EXOC6: variants seen among roughly 807,000 people sequenced by gnomAD.
EXOC6 encodes exocyst complex component 6.
A neutral mutation model predicts 112.5 loss-of-function variants in EXOC6; 60 were observed. The ratio of observed to expected loss-of-function variants is 0.53; its 90% CI spans 0.43 to 0.66. The LOEUF is 0.66. Among genes scored for constraint, EXOC6 ranks in the 30% least tolerant of loss-of-function variants. The pLI, the probability that EXOC6 is intolerant of heterozygous loss-of-function variation, is 0.00. For missense variants in EXOC6, 855 were observed against 957.1 expected (o/e 0.89, Z 1.41); for synonymous variants, 295 against 308.0 (o/e 0.96, Z 0.44).
chr10:92,970,103 T>C (rs1218358810), intron 17 of EXOC6, among the ~76,000 whole-genome samples: 1 of 152,226 alleles, frequency 6.6e-6, no homozygotes, highest in Non-Finnish European at 1.5e-5. Context: ...GCTCATCTAC[T>C]GCTTACTATG....
intron 1 of EXOC6, among the ~76,000 whole-genome samples, chr10:92,836,459 T>C (rs1325571051): frequency 6.6e-6 from 1 of 152,176 alleles, no homozygotes; most frequent in Non-Finnish European, 1.5e-5. Context: ...TGCATAGATA[T>C]GTTCCCCGGG....
At chr10:92,883,608 A>G (rs1849067762) in intron 1 of EXOC6, among the ~76,000 whole-genome samples, 2 of 152,202 alleles carry the variant, frequency 1.3e-5, no homozygotes, top group South Asian at 2.1e-4. Context: ...ATTAAGATTT[A>G]TATGCTAGAA....
chr10:93,010,866 G>T (rs1384114066), intron 19 of EXOC6, among the ~76,000 whole-genome samples: 1 of 152,114 alleles, frequency 6.6e-6, no homozygotes, highest in African/African-American at 2.4e-5. Flanking sequence ...AGAGCAGATG[G>T]TGTGTGAGAA....
At chr10:92,997,858 A>T (rs1022094465) in intron 19 of EXOC6, among the ~76,000 whole-genome samples, 1 of 152,180 alleles carries the variant, frequency 6.6e-6, no homozygotes, top group African/African-American at 2.4e-5. Flanking sequence ...ATTTAAAAAC[A>T]TGATTCATTT....
At chr10:92,885,118 T>TA (rs1237721030) in intron 1 of EXOC6, among the ~76,000 whole-genome samples, 1 of 152,214 alleles carries the variant, frequency 6.6e-6, no homozygotes, top group Admixed American at 6.5e-5. Flanking sequence ...CTCTGCAAGA[T>TA]ACTTTGTTTA....
intron 14 of EXOC6, among the ~76,000 whole-genome samples, chr10:92,949,736 GCATGCGCCAC>G (rs561372690): frequency 3.2e-4 from 49 of 152,184 alleles, no homozygotes; most frequent in Non-Finnish European, 5.9e-4. Flanking sequence ...GGGATTACAG[GCATGCGCCAC>G]CATGCCCAGC....
In EXOC6 at chr10:92,993,958, T is replaced by A. The variant is rs139325851; in HGVS notation, c.1954-3516T>A. Among the ~76,000 whole-genome samples the A allele has an allele frequency of 3.3e-3, 502 of 152,326 alleles. 3 individuals are homozygous for A. Among genetic ancestry groups the A allele is most frequent in the African/African-American group, 0.011 (477 of 41,572 alleles). On this transcript the variant is annotated intron_variant, in intron 18 of 21. Coordinates refer to ENST00000260762, the MANE Select transcript of EXOC6 (RefSeq NM_019053.6). The stretch of plus-strand genomic sequence containing the variant: ...TTAGAGAATGAGTTTTCTTACTGAT[T>A]TCACCAAATGTCGCCTCATGCTGTC...
intron 13 of EXOC6, 37 bp downstream of exon 13, chr10:92,940,861 T>A (rs1185164631): frequency 1.5e-6 from 2 of 1,327,818 alleles, no homozygotes; most frequent in Non-Finnish European, 2.1e-6. Flanking sequence ...ATAATGAATA[T>A]GTTTGTCAAA....
intron 5 of EXOC6, 143 bp from the exon 6 acceptor site, chr10:92,909,284 A>G (rs548167397): frequency 2.1e-5 from 12 of 572,396 alleles, no homozygotes; most frequent in African/African-American, 1.7e-4. Context: ...TGACAAATAG[A>G]TGTAAATATT....
chr10:92,997,650 T>C (rs1315537156), intron 19 of EXOC6, 35 bp downstream of exon 19: 1 of 1,514,320 alleles, frequency 6.6e-7, no homozygotes, highest in East Asian at 2.4e-5. Context: ...TATGTATTAC[T>C]AGGAATCTAT....
intron 1 of EXOC6, among the ~76,000 whole-genome samples, chr10:92,836,463 C>T (rs1053282394): frequency 9.9e-5 from 15 of 152,178 alleles, no homozygotes; most frequent in Admixed American, 9.2e-4. Context: ...TAGATATGTT[C>T]CCCGGGTGCT....
chr10:92,871,296 G>A (rs1283480280), intron 1 of EXOC6, among the ~76,000 whole-genome samples: 1 of 151,980 alleles, frequency 6.6e-6, no homozygotes, highest in Non-Finnish European at 1.5e-5. Context: ...GGAGGCTGAG[G>A]TGGGAGGATC....
chr10:93,041,160 C>T (rs1016417503), intron 20 of EXOC6, among the ~76,000 whole-genome samples: 12 of 152,186 alleles, frequency 7.9e-5, no homozygotes, highest in South Asian at 2.1e-4. Context: ...ACAATCACCA[C>T]GTCCTAGGGA....
In EXOC6 at chr10:92,909,436, T is replaced by C. The variant is rs1192762472; in HGVS notation, c.468T>C (p.Ser156=). The change falls in exon 6 of 22, where the codon TCT becomes TCC. Residue 156 remains serine, a synonymous_variant. Coordinates refer to ENST00000260762, the MANE Select transcript of EXOC6 (RefSeq NM_019053.6). ...KEQMSAKRYY[S]ALKTMEQLEN... ...TTTTAACTTCTCACAGGTACTATTC[T>C]GCCCTAAAAACTATGGAACAATTAG... 1.9e-6 allele frequency: 3 copies of C among 1,610,208 alleles called. No homozygotes were observed. The highest frequency in any genetic ancestry group is 2.5e-6 in the Non-Finnish European group (3 of 1,178,184).
chr10:93,028,200 G>A (rs1228145438), intron 20 of EXOC6, among the ~76,000 whole-genome samples: 1 of 152,084 alleles, frequency 6.6e-6, no homozygotes, highest in Non-Finnish European at 1.5e-5. Flanking sequence ...CTGGAGGCTA[G>A]GTGGGAGGAT....
At chr10:93,018,850 AT>A (rs1403071101) in intron 20 of EXOC6, among the ~76,000 whole-genome samples, 19 of 151,774 alleles carry the variant, frequency 1.3e-4, no homozygotes, top group African/African-American at 4.6e-4. Flanking sequence ...CATAATAAAA[AT>A]AAAAATATTA....
At chr10:92,942,124 C>T (rs61862320) in intron 13 of EXOC6, among the ~76,000 whole-genome samples, 1,720 of 152,284 alleles carry the variant, frequency 0.011, 19 homozygotes, top group Non-Finnish European at 0.017. Flanking sequence ...GGTGAGGTGG[C>T]TTATGCCTGT....
chr10:92,921,763 T>G (rs1851458914), intron 8 of EXOC6, among the ~76,000 whole-genome samples: 1 of 150,998 alleles, frequency 6.6e-6, no homozygotes, highest in East Asian at 2.0e-4. Context: ...ATTCTCCCAC[T>G]TGAGCCTCCC....
chr10:93,037,064 A>G (rs1937524424), intron 20 of EXOC6, among the ~76,000 whole-genome samples: 1 of 151,954 alleles, frequency 6.6e-6, no homozygotes, highest in Admixed American at 6.6e-5. Flanking sequence ...AACTATTAAC[A>G]TTGGCATTAC....
Sources: gnomAD v4.1 joint callset for allele counts (sites outside exome capture counted in the v4.1 genomes callset) on GRCh38, gnomAD v4.1.1 for gene constraint, MANE v1.5 for transcripts, NCBI Gene and HGNC (gene_info 2026-07-23, HGNC 2026-07-21) for gene names.